Variants in LYPLAL1 observed in about 807,000 individuals in gnomAD.
LYPLAL1 encodes lysophospholipase like 1, also known as lysophospholipase-like protein 1.
LYPLAL1 carries 23 observed loss-of-function variants against 19.7 expected under a neutral mutation model. That is an observed-to-expected ratio of 1.17 (90% CI 0.84 to 1.65). LYPLAL1 has a LOEUF of 1.65. Among genes scored for constraint, LYPLAL1 ranks in the 40% most tolerant of loss-of-function variants. LYPLAL1 has a pLI of 0.00. For synonymous variants in LYPLAL1, 119 were observed against 96.3 expected (o/e 1.24, Z -1.38); for missense variants, 355 against 279.4 (o/e 1.27, Z -1.93).
downstream of LYPLAL1, among the ~76,000 whole-genome samples, chr1:219,213,727 A>G (rs933452778): frequency 1.3e-5 from 2 of 152,090 alleles, no homozygotes; most frequent in Admixed American, 6.6e-5. Flanking sequence ...TAGCATATTG[A>G]ATCACAATTT....
chr1:219,391,449 G>A, the LYPLAL1 span, among the ~76,000 whole-genome samples: 1 of 152,152 alleles, frequency 6.6e-6, no homozygotes, highest in Non-Finnish European at 1.5e-5. Context: ...TGTCTTTGGA[G>A]GCTGTTTGAT....
the LYPLAL1 span, among the ~76,000 whole-genome samples, chr1:219,331,251 A>G: frequency 6.6e-6 from 1 of 152,142 alleles, no homozygotes; most frequent in Non-Finnish European, 1.5e-5. Context: ...AGTCACAGAA[A>G]AACTTTCCTG....
At chr1:219,364,582 G>T in the LYPLAL1 span, among the ~76,000 whole-genome samples, 1 of 152,134 alleles carries the variant, frequency 6.6e-6, no homozygotes, top group South Asian at 2.1e-4. Context: ...TTACTTTTTA[G>T]TTTGTTTTCC....
the LYPLAL1 span, among the ~76,000 whole-genome samples, chr1:219,240,527 T>C: frequency 6.6e-6 from 1 of 152,314 alleles, no homozygotes; most frequent in Non-Finnish European, 1.5e-5. Context: ...TTCCCATTTA[T>C]GGTTATTTGA....
chr1:219,239,899 AATC>A, the LYPLAL1 span, among the ~76,000 whole-genome samples: 2 of 152,202 alleles, frequency 1.3e-5, no homozygotes, highest in Non-Finnish European at 2.9e-5. Flanking sequence ...ATCAGATGGT[AATC>A]AACGGATTTG....
chr1:219,178,627 A>G (rs965791680), intron 1 of LYPLAL1, among the ~76,000 whole-genome samples: 2 of 152,144 alleles, frequency 1.3e-5, no homozygotes, highest in East Asian at 3.8e-4. Flanking sequence ...GGTCATGTAA[A>G]CATGTTGTCA....
At chr1:219,289,971 C>G in the LYPLAL1 span, among the ~76,000 whole-genome samples, 24 of 152,220 alleles carry the variant, frequency 1.6e-4, no homozygotes, top group African/African-American at 5.8e-4. Context: ...TCCTACTGAT[C>G]CACAATCCTC....
chr1:219,350,769 T>C, the LYPLAL1 span, among the ~76,000 whole-genome samples: 1 of 152,186 alleles, frequency 6.6e-6, no homozygotes, highest in African/African-American at 2.4e-5. Context: ...CGATGACATA[T>C]GATTTTTATT....
chr1:219,255,620 C>G, the LYPLAL1 span, among the ~76,000 whole-genome samples: 1 of 151,734 alleles, frequency 6.6e-6, no homozygotes. Flanking sequence ...TAAATGGGCC[C>G]CTCGTGCAAT....
chr1:219,340,559 G>A, the LYPLAL1 span, among the ~76,000 whole-genome samples: 1 of 151,936 alleles, frequency 6.6e-6, no homozygotes, highest in African/African-American at 2.4e-5. Flanking sequence ...AGGTGGGTTA[G>A]GTTTTCCATG....
At chr1:219,358,405 A>G in the LYPLAL1 span, among the ~76,000 whole-genome samples, 1 of 152,220 alleles carries the variant, frequency 6.6e-6, no homozygotes, top group Admixed American at 6.5e-5. Flanking sequence ...CTATGCATGT[A>G]TACTATTTAA....
the LYPLAL1 span, among the ~76,000 whole-genome samples, chr1:219,440,444 C>T: frequency 6.6e-6 from 1 of 151,870 alleles, no homozygotes; most frequent in Admixed American, 6.6e-5. Flanking sequence ...TCTTCATGTA[C>T]CATAGAGAAA....
chr1:219,241,134 C>CTCTCTCTCTCTCTCTATA, the LYPLAL1 span, among the ~76,000 whole-genome samples: 23 of 44,354 alleles, frequency 5.2e-4, no homozygotes, highest in East Asian at 3.3e-3. Context: ...CTCTCTCTCT[C>CTCTCTCTCTCTCTCTATA]TATATATATA....
At chr1:219,409,938 TAATTTGTTTTGA>T in the LYPLAL1 span, 3 of 152,236 alleles carry the variant, frequency 2.0e-5, no homozygotes, top group Non-Finnish European at 2.9e-5. Flanking sequence ...CTTATCAAAA[TAATTTGTTTTGA>T]AATTTAAAAG....
the LYPLAL1 span, among the ~76,000 whole-genome samples, chr1:219,371,627 T>C: frequency 6.6e-6 from 1 of 152,228 alleles, no homozygotes; most frequent in Non-Finnish European, 1.5e-5. Context: ...AACTTACTCT[T>C]GTGCCAATCA....
At chr1:219,228,736 A>G in the LYPLAL1 span, among the ~76,000 whole-genome samples, 1 of 151,876 alleles carries the variant, frequency 6.6e-6, no homozygotes, top group Non-Finnish European at 1.5e-5. Context: ...CTGGAGTGCA[A>G]TGGCGCGATC....
chr1:219,367,351 A>AT, the LYPLAL1 span, among the ~76,000 whole-genome samples: 1 of 152,154 alleles, frequency 6.6e-6, no homozygotes, highest in Non-Finnish European at 1.5e-5. Flanking sequence ...GATGAATCCG[A>AT]TTTTTCTGAA....
the LYPLAL1 span, among the ~76,000 whole-genome samples, chr1:219,318,190 G>A: frequency 1.3e-5 from 2 of 151,954 alleles, no homozygotes; most frequent in African/African-American, 4.8e-5. Context: ...TCTCCCCTTG[G>A]GCCAATTGTG....
the LYPLAL1 span, among the ~76,000 whole-genome samples, chr1:219,264,955 T>C: frequency 6.6e-6 from 1 of 152,240 alleles, no homozygotes; most frequent in Non-Finnish European, 1.5e-5. Context: ...TTTAAAAATA[T>C]CTAATTTATT....
Sources: gnomAD v4.1 joint callset for allele counts (sites outside exome capture counted in the v4.1 genomes callset) on GRCh38, gnomAD v4.1.1 for gene constraint, MANE v1.5 for transcripts, NCBI Gene and HGNC (gene_info 2026-07-23, HGNC 2026-07-21) for gene names.